The following STARD13 variants were observed in gnomAD, a reference collection of about 807,000 sequenced individuals.
The protein encoded by STARD13 is StAR related lipid transfer domain containing 13, also known as stAR-related lipid transfer protein 13.
A neutral mutation model predicts 106.4 loss-of-function variants in STARD13; 62 were observed. The ratio of observed to expected loss-of-function variants is 0.58; its 90% CI spans 0.48 to 0.72. STARD13 has a LOEUF of 0.72. STARD13 is among the 30% of genes least tolerant of loss of function. The pLI is 0.00. For missense variants in STARD13, 1,387 were observed against 1,424.0 expected (o/e 0.97, Z 0.42); for synonymous variants, 565 against 553.0 (o/e 1.02, Z -0.31).
At chr13:33,441,626 G>A in the STARD13 span, among the ~76,000 whole-genome samples, 5 of 152,114 alleles carry the variant, frequency 3.3e-5, no homozygotes, top group Admixed American at 1.3e-4. Context: ...AAGGAAATTC[G>A]GAAAAACAGA....
the STARD13 span, among the ~76,000 whole-genome samples, chr13:33,463,420 A>G: frequency 6.6e-6 from 1 of 152,238 alleles, no homozygotes; most frequent in Admixed American, 6.5e-5. Flanking sequence ...GAAAGGGTCC[A>G]TAACCTCCAG....
chr13:33,413,108 G>A, the STARD13 span, among the ~76,000 whole-genome samples: 8 of 152,226 alleles, frequency 5.3e-5, no homozygotes, highest in South Asian at 1.4e-3. Flanking sequence ...ATTAATAGCG[G>A]ATAGGTAACG....
chr13:33,593,086 A>C, the STARD13 span, among the ~76,000 whole-genome samples: 1 of 152,240 alleles, frequency 6.6e-6, no homozygotes, highest in Admixed American at 6.5e-5. Flanking sequence ...GATCTGATAC[A>C]TGTGCCTCTA....
chr13:33,361,333 TATATA>T, the STARD13 span, among the ~76,000 whole-genome samples: 129,354 of 151,840 alleles, frequency 0.85, 58,893 homozygotes, highest in East Asian at 1. Flanking sequence ...AAGAATATAA[TATATA>T]ATACATGTAA....
At chr13:33,214,100 C>A (rs1385910938) in intron 1 of STARD13, among the ~76,000 whole-genome samples, 1 of 152,246 alleles carries the variant, frequency 6.6e-6, no homozygotes, top group South Asian at 2.1e-4. Context: ...AGCGACTGTG[C>A]GATGAAATAT....
chr13:33,641,477 G>A, the STARD13 span, among the ~76,000 whole-genome samples: 1 of 152,162 alleles, frequency 6.6e-6, no homozygotes, highest in Non-Finnish European at 1.5e-5. Context: ...GGGAATGAGA[G>A]TTCTGGTTTC....
chr13:33,657,968 C>T, the STARD13 span, among the ~76,000 whole-genome samples: 74 of 152,236 alleles, frequency 4.9e-4, no homozygotes, highest in African/African-American at 1.7e-3. Flanking sequence ...AGTTTAGTGG[C>T]ATTAAATACA....
At chr13:33,502,004 T>G in the STARD13 span, among the ~76,000 whole-genome samples, 1 of 152,212 alleles carries the variant, frequency 6.6e-6, no homozygotes, top group Non-Finnish European at 1.5e-5. Context: ...TATTGATTCT[T>G]CCTATCCATG....
At chr13:33,358,662 A>G in the STARD13 span, among the ~76,000 whole-genome samples, 2 of 145,010 alleles carry the variant, frequency 1.4e-5, no homozygotes, top group African/African-American at 2.6e-5. Context: ...ATCTAGCTCA[A>G]GGTTTGTAAA....
intron 1 of STARD13, among the ~76,000 whole-genome samples, chr13:33,173,736 G>A (rs1005417807): frequency 2.6e-5 from 4 of 152,128 alleles, no homozygotes; most frequent in African/African-American, 9.7e-5. Context: ...TCAAAATAGT[G>A]GATCAACTTA....
intron 1 of STARD13, among the ~76,000 whole-genome samples, chr13:33,325,991 A>C (rs1210266059): frequency 9.2e-4 from 138 of 150,768 alleles, no homozygotes; most frequent in African/African-American, 3.2e-3. Flanking sequence ...TTTAAAAAAA[A>C]AAAAAAAAAA....
the STARD13 span, among the ~76,000 whole-genome samples, chr13:33,475,350 T>C: frequency 6.6e-6 from 1 of 152,166 alleles, no homozygotes; most frequent in African/African-American, 2.4e-5. Context: ...CTTATATATA[T>C]TTATATTAAA....
chr13:33,563,034 C>T, the STARD13 span, among the ~76,000 whole-genome samples: 1 of 146,570 alleles, frequency 6.8e-6, no homozygotes, highest in East Asian at 2.0e-4. Flanking sequence ...TCAATTGAAT[C>T]AAAGATGTGA....
At chr13:33,656,743 C>T in the STARD13 span, 12 of 152,200 alleles carry the variant, frequency 7.9e-5, no homozygotes, top group East Asian at 2.3e-3. Context: ...AAGGGGTGAA[C>T]TTCTAATGCG....
chr13:33,658,052 A>G, the STARD13 span: 2 of 152,268 alleles, frequency 1.3e-5, no homozygotes, highest in Non-Finnish European at 2.9e-5. Flanking sequence ...TACTCATTAA[A>G]TAATACTTCC....
intron 1 of STARD13, among the ~76,000 whole-genome samples, chr13:33,208,462 C>A (rs755217597): frequency 1.3e-5 from 2 of 152,094 alleles, no homozygotes; most frequent in South Asian, 2.1e-4. Context: ...GGAAATCAAG[C>A]AAATGAGTCA....
chr13:33,460,286 G>C, the STARD13 span, among the ~76,000 whole-genome samples: 1 of 151,576 alleles, frequency 6.6e-6, no homozygotes, highest in Non-Finnish European at 1.5e-5. Flanking sequence ...AGGAGATGGA[G>C]ACCATCCTGG....
the STARD13 span, among the ~76,000 whole-genome samples, chr13:33,546,034 G>A: frequency 2.0e-5 from 3 of 152,038 alleles, no homozygotes; most frequent in Non-Finnish European, 2.9e-5. Flanking sequence ...ATTTATTATG[G>A]CTGTTAACAT....
At chr13:33,212,143 AGCATGCCTTTTGGGGTG>A (rs1887759318) in intron 1 of STARD13, among the ~76,000 whole-genome samples, 1 of 152,164 alleles carries the variant, frequency 6.6e-6, no homozygotes, top group South Asian at 2.1e-4. Flanking sequence ...ACCACTCAGA[AGCATGCCTTTTGGGGTG>A]GCTCACCTGT....
Sources: allele counts gnomAD v4.1 joint callset (sites outside exome capture counted in the v4.1 genomes callset), GRCh38; gene constraint gnomAD v4.1.1; transcripts MANE v1.5; gene names NCBI Gene and HGNC (gene_info 2026-07-23, HGNC 2026-07-21).